Variants in DAB1 observed in about 807,000 individuals in gnomAD.
DAB1 encodes DAB adaptor protein 1, also known as disabled homolog 1.
DAB1 carries 15 observed loss-of-function variants against 64.6 expected under a neutral mutation model. That is an observed-to-expected ratio of 0.23 (90% CI 0.16 to 0.36). DAB1 has a LOEUF of 0.36. Ranked by LOEUF, DAB1 falls within the 10% of genes least tolerant of loss-of-function variation. The pLI is 1.00. For missense variants in DAB1, 596 were observed against 706.7 expected (o/e 0.84, Z 1.78); for synonymous variants, 235 against 251.9 (o/e 0.93, Z 0.64).
chr1:57,732,188 A>C (rs1473527256), intron 6 of DAB1, among the ~76,000 whole-genome samples: 1 of 152,186 alleles, frequency 6.6e-6, no homozygotes, highest in East Asian at 1.9e-4. Flanking sequence ...TGGGGGTATC[A>C]TGCAGGTCAG....
At chr1:57,947,180 G>T (rs1038138348) in intron 5 of DAB1, among the ~76,000 whole-genome samples, 1 of 152,076 alleles carries the variant, frequency 6.6e-6, no homozygotes, top group Non-Finnish European at 1.5e-5. Flanking sequence ...GACCTCACAG[G>T]TAGAGCAGGG....
chr1:58,079,274 T>C (rs1017828052), intron 5 of DAB1, among the ~76,000 whole-genome samples: 1 of 151,976 alleles, frequency 6.6e-6, no homozygotes, highest in African/African-American at 2.4e-5. Flanking sequence ...TCCCAGACCA[T>C]CCTGGCAGAA....
intron 3 of DAB1, among the ~76,000 whole-genome samples, chr1:58,409,821 C>T (rs1191398011): frequency 6.6e-6 from 1 of 152,318 alleles, no homozygotes; most frequent in Middle Eastern, 3.4e-3. Context: ...CACTGAGGGT[C>T]CTGTTTAGCC....
At chr1:58,117,842 G>GT (rs35807060) in intron 5 of DAB1, among the ~76,000 whole-genome samples, 64,176 of 145,456 alleles carry the variant, frequency 0.44, 15,214 homozygotes, top group East Asian at 0.74. Flanking sequence ...ATCATGCTTT[G>GT]TTTTTTTTTT....
chr1:57,154,427 A>G (rs1390805742), intron 2 of DAB1, among the ~76,000 whole-genome samples: 1 of 152,180 alleles, frequency 6.6e-6, no homozygotes, highest in Non-Finnish European at 1.5e-5. Flanking sequence ...CATTTTCTTT[A>G]TCCATTCATC....
chr1:58,453,635 G>A (rs185934488), intron 3 of DAB1, among the ~76,000 whole-genome samples: 21 of 152,278 alleles, frequency 1.4e-4, no homozygotes, highest in African/African-American at 1.9e-4. Context: ...TCCTTGATGC[G>A]CTGGGGATGC....
chr1:57,489,449 A>T (rs1644134885), intron 7 of DAB1, among the ~76,000 whole-genome samples: 2 of 152,268 alleles, frequency 1.3e-5, no homozygotes, highest in Admixed American at 6.5e-5. Context: ...TGGGAAACAG[A>T]TTGGTCTTTA....
chr1:57,054,832 A>G (rs1649589459), intron 9 of DAB1, among the ~76,000 whole-genome samples: 1 of 152,160 alleles, frequency 6.6e-6, no homozygotes, highest in Admixed American at 6.5e-5. Context: ...CCTAAAGAAC[A>G]TGTCCAGCAT....
chr1:57,589,474 A>G (rs1468124293), intron 7 of DAB1, among the ~76,000 whole-genome samples: 1 of 151,604 alleles, frequency 6.6e-6, no homozygotes, highest in African/African-American at 2.4e-5. Flanking sequence ...TGATATAAAG[A>G]GGCTGGGCAC....
intron 6 of DAB1, among the ~76,000 whole-genome samples, chr1:57,793,726 AT>A (rs1415842134): frequency 2.0e-5 from 3 of 152,186 alleles, no homozygotes; most frequent in Admixed American, 2.0e-4. Flanking sequence ...CTCAGCTTCC[AT>A]TTTTGTAAAA....
intron 6 of DAB1, among the ~76,000 whole-genome samples, chr1:57,706,983 A>C (rs11803381): frequency 0.079 from 12,088 of 152,078 alleles, 1,337 homozygotes; most frequent in African/African-American, 0.25. Context: ...CTGAGGCTGG[A>C]GAATCGCTTG....
In DAB1 at chr1:57,765,592, C is replaced by A. The variant is rs116386514; in HGVS notation, n.552-115927G>T. Among the ~76,000 whole-genome samples, 619 of 152,200 alleles carry A rather than the reference C, an allele frequency of 4.1e-3. 1 individual carries two copies. Among genetic ancestry groups the A allele is most frequent in the African/African-American group, 0.014 (597 of 41,548 alleles). ...TCCAGTCAGGCCTTCGTGCCCTCTG[C>A]CTTACCAAAGCAGCATTTGTGAAGG... On this transcript the variant is annotated intron_variant and non_coding_transcript_variant, in intron 6 of 20. Transcript: ENST00000485760.
intron 5 of DAB1, among the ~76,000 whole-genome samples, chr1:57,977,299 C>T (rs1645943612): frequency 6.6e-6 from 1 of 152,114 alleles, no homozygotes. Flanking sequence ...TCATTATTGT[C>T]ACCCTTATTT....
intron 7 of DAB1, among the ~76,000 whole-genome samples, chr1:57,476,226 C>CAA (rs57483030): frequency 2.8e-4 from 16 of 57,148 alleles, no homozygotes; most frequent in Admixed American, 7.6e-4. Context: ...AACTCCACTT[C>CAA]AAAAAAAAAA....
chr1:57,323,236 A>G (rs1675869447), intron 1 of DAB1, among the ~76,000 whole-genome samples: 2 of 152,182 alleles, frequency 1.3e-5, no homozygotes, highest in Admixed American at 6.5e-5. Flanking sequence ...GTAAATGGCA[A>G]GATAAATACA....
chr1:57,442,761 G>A (rs555270784), intron 7 of DAB1, among the ~76,000 whole-genome samples: 141 of 152,308 alleles, frequency 9.3e-4, no homozygotes, highest in Non-Finnish European at 1.7e-3. Context: ...GAGGAGTGCC[G>A]CCCCTGCGAG....
intron 2 of DAB1, among the ~76,000 whole-genome samples, chr1:57,288,347 G>A (rs1355601069): frequency 6.6e-6 from 1 of 152,106 alleles, no homozygotes; most frequent in African/African-American, 2.4e-5. Flanking sequence ...AGGAGATGTG[G>A]TGTGTTATGC....
chr1:57,272,862 G>T (rs1295487402), intron 2 of DAB1, among the ~76,000 whole-genome samples: 1 of 152,182 alleles, frequency 6.6e-6, no homozygotes, highest in Non-Finnish European at 1.5e-5. Flanking sequence ...GTCAGGATAG[G>T]CTGGTGGCAA....
At chr1:57,872,686 C>T (rs1643973396) in intron 1 of DAB1, among the ~76,000 whole-genome samples, 1 of 151,968 alleles carries the variant, frequency 6.6e-6, no homozygotes, top group African/African-American at 2.4e-5. Context: ...TGCTGCTGTA[C>T]CAGAGGGGTA....
Sources: gnomAD v4.1 joint callset for allele counts (sites outside exome capture counted in the v4.1 genomes callset) on GRCh38, gnomAD v4.1.1 for gene constraint, MANE v1.5 for transcripts, NCBI Gene and HGNC (gene_info 2026-07-23, HGNC 2026-07-21) for gene names.